TRIM25: variants seen among roughly 807,000 people sequenced by gnomAD.
The protein encoded by TRIM25 is tripartite motif containing 25.
In TRIM25, 45 loss-of-function variants were observed where a neutral mutation model predicts 65.2. That is an observed-to-expected ratio of 0.69 (90% CI 0.54 to 0.89). The LOEUF (loss-of-function observed/expected upper bound fraction) is 0.89, where lower values mean the gene tolerates loss of function less well. Ranked by LOEUF, TRIM25 falls within the 40% of genes least tolerant of loss-of-function variation. The pLI is 0.00. For synonymous variants in TRIM25, 321 were observed against 340.4 expected (o/e 0.94, Z 0.63); for missense variants, 714 against 803.7 (o/e 0.89, Z 1.35).
Position 56,908,448 on chromosome 17 carries a change from T to A in TRIM25, c.693+20A>T. The A allele has an allele frequency of 6.2e-7, 1 of 1,610,584 alleles. No individual in the cohort carries two copies. The highest frequency in any genetic ancestry group is 1.1e-5 in the South Asian group (1 of 91,032). On this transcript the variant is annotated intron_variant, in intron 2 of 8. Transcript: ENST00000316881. ...CGAAGCCACAGGGCAGGGCTGGCCT[T>A]GGAGAGCCCTGCCACTCACCCGCAC...
chr17:56,904,557 G>C, intron 2 of TRIM25, 69 bp from the exon 3 acceptor site: 5 of 1,414,482 alleles, frequency 3.5e-6, no homozygotes, highest in Non-Finnish European at 4.9e-6. Context: ...CCCCAAGCAT[G>C]GGTGAGATGT....
rs1909666323 is a variant in TRIM25, at chr17:56,913,349, A to C, written c.597+43T>G. Reference sequence around the variant, plus strand: ...CCCCGGTGGCCCCTCTGCACCACCCATCAGGCCAGGCTGCCCTCTGCACCC... The same window carrying C: ...CCCCGGTGGCCCCTCTGCACCACCCCTCAGGCCAGGCTGCCCTCTGCACCC... On this transcript the variant is annotated intron_variant, in intron 1 of 8. Coordinates refer to ENST00000316881, the MANE Select transcript of TRIM25 (RefSeq NM_005082.5). This position sits in a 1 kb window ranked among gnomAD's most constrained non-coding sequence, Gnocchi z 6.1. The C allele has an allele frequency of 4.7e-6, 7 of 1,503,310 alleles. No individual in the cohort carries two copies. The highest frequency in any genetic ancestry group is 6.2e-6 in the Non-Finnish European group (7 of 1,123,524). The allele number at this position is 1,503,310 out of a possible 1,614,324, so 93.1% of individuals were successfully genotyped here.
chr17:56,892,448 T>G (rs1041580787), intron 8 of TRIM25, among the ~76,000 whole-genome samples: 2 of 152,174 alleles, frequency 1.3e-5, no homozygotes, highest in Non-Finnish European at 2.9e-5. Flanking sequence ...CATCCATCCA[T>G]CTATCCATCT....
chr17:56,904,183 C>T, intron 3 of TRIM25, 72 bp downstream of exon 3: 1 of 1,296,836 alleles, frequency 7.7e-7, no homozygotes, highest in Non-Finnish European at 1.1e-6. Context: ...TCCTTGAGGG[C>T]CCTATCATCA....
chr17:56,891,379 A>C lies in TRIM25; in HGVS notation c.*321T>G. 2 of 368,448 alleles carry C rather than the reference A, an allele frequency of 5.4e-6. No homozygotes were observed. Among genetic ancestry groups the C allele is most frequent in the Non-Finnish European group, 1.0e-5 (2 of 197,082 alleles). 22.8% of individuals were successfully genotyped at this position (368,448 alleles called of 1,614,324 possible). ...CCTACAGTAGCTATGGATTTTCTCT[A>C]AGAGGAATCGGGCACTCATGACTTC... is the stretch of plus-strand genomic sequence containing the variant. On this transcript the variant is annotated 3_prime_UTR_variant, in exon 9 of 9. Coordinates refer to ENST00000316881, the MANE Select transcript of TRIM25 (RefSeq NM_005082.5).
chr17:56,906,408 C>A (rs887215858), intron 2 of TRIM25, among the ~76,000 whole-genome samples: 2 of 152,136 alleles, frequency 1.3e-5, no homozygotes, highest in Non-Finnish European at 2.9e-5. Flanking sequence ...CAGACTAAGA[C>A]AATAGCTCAG....
At chr17:56,895,886 A>T in intron 6 of TRIM25, 40 bp downstream of exon 6, 1 of 1,608,336 alleles carries the variant, frequency 6.2e-7, no homozygotes, top group Non-Finnish European at 8.5e-7. Context: ...GTGCTCGGGC[A>T]GTCTCAAGAA....
chr17:56,908,889 A>T, intron 1 of TRIM25: 1 of 260,336 alleles, frequency 3.8e-6, no homozygotes, highest in Middle Eastern at 1.3e-3. Flanking sequence ...TATTGGGAGG[A>T]TTAATTGAAA....
rs1164808237 is a variant in TRIM25, at chr17:56,888,021, C to T, written c.*3679G>A. 1.3e-5 allele frequency: 2 copies of T among 152,290 alleles called. No homozygotes were observed. The highest frequency in any genetic ancestry group is 1.9e-4 in the East Asian group (1 of 5,206). 9.4% of individuals were successfully genotyped at this position (152,290 alleles called of 1,614,324 possible). A position where few individuals can be genotyped will look rare whatever the true frequency, so the allele number is the denominator to read the frequency against. ...GCACAGTGCTCCCATGCCCCCTCTTCGTGGAATTAGGGCACACTGCCCTGC... is the reference window on the plus strand; with the variant it reads ...GCACAGTGCTCCCATGCCCCCTCTTTGTGGAATTAGGGCACACTGCCCTGC... On this transcript the variant is annotated 3_prime_UTR_variant, in exon 9 of 9. Coordinates refer to ENST00000316881, the MANE Select transcript of TRIM25 (RefSeq NM_005082.5).
chr17:56,895,775 C>T (rs2144350627), intron 6 of TRIM25, 151 bp downstream of exon 6: 2 of 1,224,910 alleles, frequency 1.6e-6, no homozygotes, highest in African/African-American at 3.1e-5. Context: ...TTGTCCTCCC[C>T]TCCAGCCTCA....
intron 3 of TRIM25, among the ~76,000 whole-genome samples, chr17:56,901,846 C>T (rs904350888): frequency 6.6e-6 from 1 of 152,114 alleles, no homozygotes; most frequent in African/African-American, 2.4e-5. Context: ...GCTAGGGGCA[C>T]AGACACAGCT....
In TRIM25 at chr17:56,904,225, A is replaced by G. The variant is rs547131614; in HGVS notation, c.927+30T>C. On this transcript the variant is annotated intron_variant, in intron 3 of 8. Coordinates refer to ENST00000316881, the MANE Select transcript of TRIM25 (RefSeq NM_005082.5). ...TGACATCAGGCAAAAAAAAAAAAAAAACATTCAACAATGCCTTGTGGCGAC... is the reference window on the plus strand; with the variant it reads ...TGACATCAGGCAAAAAAAAAAAAAAGACATTCAACAATGCCTTGTGGCGAC... 33 of 1,564,376 alleles carry G rather than the reference A, an allele frequency of 2.1e-5. No homozygotes were observed. In the East Asian group the frequency reaches 6.7e-4, roughly 32 times the overall value.
chr17:56,902,393 G>A (rs1188432997), intron 3 of TRIM25, among the ~76,000 whole-genome samples: 1 of 152,210 alleles, frequency 6.6e-6, no homozygotes, highest in African/African-American at 2.4e-5. Context: ...GGGGTAATAA[G>A]AGATGGGCTT....
intron 1 of TRIM25, among the ~76,000 whole-genome samples, chr17:56,909,014 AAGG>A (rs1228947053): frequency 6.6e-6 from 1 of 152,118 alleles, no homozygotes; most frequent in East Asian, 1.9e-4. Flanking sequence ...AAACTCAAGC[AAGG>A]AGGACAGAAA....
In TRIM25 at chr17:56,913,915, G is replaced by C. The variant is rs764438013; in HGVS notation, c.74C>G (p.Thr25Ser). 17 of 1,576,666 alleles carry C rather than the reference G, an allele frequency of 1.1e-5. No individual in the cohort carries two copies. In the Admixed American group the frequency reaches 3.2e-4, roughly 29 times the overall value. The stretch of plus-strand genomic sequence containing the variant: ...GCAGAAGTTGTGGCCGCACGGAGTG[G>C]TGACCGGCTCCTTGAAGGGCTCCAG... Reference protein sequence around the residue: ...ICLEPFKEPVTTPCGHNFCGS... With the variant: ...ICLEPFKEPVSTPCGHNFCGS... Residue 25 changes from threonine (T) to serine (S), a missense_variant, in exon 1 of 9, where the codon ACC (threonine) becomes AGC (serine). Transcript: ENST00000316881. The surrounding 1 kb of genome is among the most constrained non-coding windows in gnomAD (Gnocchi z 6.1).
chr17:56,897,740 G>A (rs951504997), intron 5 of TRIM25, among the ~76,000 whole-genome samples: 1 of 152,304 alleles, frequency 6.6e-6, no homozygotes, highest in Non-Finnish European at 1.5e-5. Flanking sequence ...CCTGCTGGCC[G>A]GCATCCCTAC....
chr17:56,899,041 G>A (rs533606601), intron 5 of TRIM25, 74 bp downstream of exon 5: 152 of 1,560,884 alleles, frequency 9.7e-5, no homozygotes, highest in Middle Eastern at 5.6e-4. Flanking sequence ...GGGATGGGCC[G>A]GAAGTGACTT....
In TRIM25 at chr17:56,890,738, G is replaced by C; in HGVS notation, c.*962C>G. 4.4e-6 allele frequency: 2 copies of C among 456,608 alleles called. No individual in the cohort carries two copies. The highest frequency in any genetic ancestry group is 8.8e-6 in the Non-Finnish European group (2 of 226,956). 28.3% of individuals were successfully genotyped at this position (456,608 alleles called of 1,614,324 possible). A position where few individuals can be genotyped will look rare whatever the true frequency, so the allele number is the denominator to read the frequency against. Reference sequence around the variant, plus strand: ...AATCCAGGGAAGAGAGGCTATCACCGAGAAGAGTTGTCAGTAAGAAGGCAG... The same window carrying C: ...AATCCAGGGAAGAGAGGCTATCACCCAGAAGAGTTGTCAGTAAGAAGGCAG... On this transcript the variant is annotated 3_prime_UTR_variant, in exon 9 of 9. Transcript: ENST00000316881.
intron 1 of TRIM25, among the ~76,000 whole-genome samples, chr17:56,910,815 A>G (rs1437274648): frequency 6.6e-6 from 1 of 152,220 alleles, no homozygotes; most frequent in Non-Finnish European, 1.5e-5. Flanking sequence ...AAGGCAACCC[A>G]GCCCCCGAGG....
Sources: allele counts gnomAD v4.1 joint callset (sites outside exome capture counted in the v4.1 genomes callset), GRCh38; gene constraint gnomAD v4.1.1; non-coding constraint Gnocchi (gnomAD v3.1); transcripts MANE v1.5; gene names NCBI Gene and HGNC (gene_info 2026-07-23, HGNC 2026-07-21).